Variants in ULK4 observed in about 807,000 individuals in gnomAD.
ULK4 encodes unc-51 like kinase 4.
Under a neutral mutation model 160.6 loss-of-function variants are expected in ULK4, and 133 were observed. The ratio of observed to expected loss-of-function variants is 0.83; its 90% CI spans 0.72 to 0.96. ULK4 has a LOEUF of 0.96. Ranked by LOEUF, ULK4 falls within the 40% of genes least tolerant of loss-of-function variation. The pLI, the probability that ULK4 is intolerant of heterozygous loss-of-function variation, is 0.00. For synonymous variants in ULK4, 534 were observed against 539.8 expected (o/e 0.99, Z 0.15); for missense variants, 1,580 against 1,499.5 (o/e 1.05, Z -0.89).
At chr3:41,559,111 G>C (rs1240449864) in intron 32 of ULK4, among the ~76,000 whole-genome samples, 7 of 150,056 alleles carry the variant, frequency 4.7e-5, no homozygotes, top group South Asian at 4.3e-4. Context: ...CCACCTATGA[G>C]TGAGAATATG....
intron 18 of ULK4, among the ~76,000 whole-genome samples, chr3:41,828,412 C>T (rs190889368): frequency 0.013 from 2,006 of 148,792 alleles, 47 homozygotes; most frequent in Non-Finnish European, 0.018. Context: ...ATTGTCTCAG[C>T]CCAAAATCTC....
At chr3:41,429,550 T>C (rs1451509626) in intron 34 of ULK4, among the ~76,000 whole-genome samples, 4 of 152,164 alleles carry the variant, frequency 2.6e-5, no homozygotes, top group Non-Finnish European at 5.9e-5. Context: ...ATATACATAC[T>C]ACGCAGCCAT....
intron 35 of ULK4, among the ~76,000 whole-genome samples, chr3:41,310,254 A>G (rs915907684): frequency 1.3e-5 from 2 of 152,208 alleles, no homozygotes; most frequent in Admixed American, 1.3e-4. Context: ...TTAATACACA[A>G]CAGTCCTTAG....
chr3:41,515,659 C>T (rs575034039), intron 32 of ULK4, among the ~76,000 whole-genome samples: 18 of 152,216 alleles, frequency 1.2e-4, no homozygotes, highest in Admixed American at 4.6e-4. Context: ...GTAGGGGAAA[C>T]GCCAGATGCT....
intron 32 of ULK4, among the ~76,000 whole-genome samples, chr3:41,553,051 T>C (rs1024969282): frequency 2.0e-5 from 3 of 152,100 alleles, no homozygotes; most frequent in African/African-American, 7.2e-5. Flanking sequence ...GATAGTTATA[T>C]GCAGAAGAAT....
At chr3:41,943,140 C>CA (rs1700011027) in intron 2 of ULK4, among the ~76,000 whole-genome samples, 1 of 148,530 alleles carries the variant, frequency 6.7e-6, no homozygotes, top group Admixed American at 6.8e-5. Flanking sequence ...GTGAACCCGG[C>CA]AGGCGGAGCT....
intron 30 of ULK4, among the ~76,000 whole-genome samples, chr3:41,616,628 A>T (rs1270168985): frequency 6.6e-6 from 1 of 152,104 alleles, no homozygotes; most frequent in Non-Finnish European, 1.5e-5. Flanking sequence ...CGGTTTTTTC[A>T]ATCTGCAGAT....
rs1420687343 is a variant in ULK4 at position 41,740,463 on chromosome 3, T to G, written c.2321+13898A>C. ...GTTGAGAGATGCATAGGCCTTATTT[T>G]ATCGCCTGTCATAGTAATATGAGTA... On this transcript the variant is annotated intron_variant, in intron 22 of 36. Coordinates refer to ENST00000301831, the MANE Select transcript of ULK4 (RefSeq NM_017886.4). 1.3e-5 allele frequency among the ~76,000 whole-genome samples: 2 copies of G among 151,876 alleles called. 1 individual carries two copies. The highest frequency in any genetic ancestry group is 4.9e-5 in the African/African-American group (2 of 41,182).
intron 28 of ULK4, 39 bp from the exon 29 acceptor site, chr3:41,681,691 G>A: frequency 6.2e-7 from 1 of 1,613,826 alleles, no homozygotes; most frequent in Non-Finnish European, 8.5e-7. Context: ...GTGACTCCAT[G>A]GAGACAGAAT....
intron 9 of ULK4, 74 bp from the exon 10 acceptor site, chr3:41,911,733 GT>G: frequency 8.8e-7 from 1 of 1,133,354 alleles, no homozygotes; most frequent in Non-Finnish European, 1.3e-6. Context: ...AGAAAAAGAG[GT>G]TGGAGAAGAT....
chr3:41,458,599 T>TA (rs202053159), intron 33 of ULK4, among the ~76,000 whole-genome samples: 163 of 150,712 alleles, frequency 1.1e-3, no homozygotes, highest in Middle Eastern at 3.4e-3. Flanking sequence ...TTCTTAGTAT[T>TA]AAAAAAAAAG....
At chr3:41,809,165 CAAAAAAAAAACA>C (rs200354290) in intron 19 of ULK4, among the ~76,000 whole-genome samples, 22,956 of 100,430 alleles carry the variant, frequency 0.23, 2,236 homozygotes, top group East Asian at 0.44. Flanking sequence ...GACTCCGTCT[CAAAAAAAAAACA>C]AAAAAAAAAA....
At chr3:41,826,529 C>T (rs1436592079) in intron 18 of ULK4, among the ~76,000 whole-genome samples, 2 of 150,540 alleles carry the variant, frequency 1.3e-5, no homozygotes, top group Non-Finnish European at 3.0e-5. Context: ...ATAAAACAGA[C>T]TTTAAACCAA....
At chr3:41,859,086 T>C (rs1335928351) in intron 17 of ULK4, among the ~76,000 whole-genome samples, 1 of 152,212 alleles carries the variant, frequency 6.6e-6, no homozygotes, top group Non-Finnish European at 1.5e-5. Flanking sequence ...CAATCTTCTA[T>C]CTCAGAAGAG....
At chr3:41,567,854 A>G (rs2087837742) in intron 31 of ULK4, among the ~76,000 whole-genome samples, 1 of 152,154 alleles carries the variant, frequency 6.6e-6, no homozygotes, top group Admixed American at 6.5e-5. Context: ...AAATAACTTT[A>G]GCTTTATAGA....
chr3:41,390,992 C>A (rs1025610494), intron 35 of ULK4, among the ~76,000 whole-genome samples: 5 of 152,032 alleles, frequency 3.3e-5, no homozygotes, highest in Admixed American at 3.3e-4. Context: ...CTCTGTTTTA[C>A]TTTTTACTTC....
At position 41,458,491 on chromosome 3, in the gene ULK4, C is replaced by T. The variant is rs563661799; in HGVS notation, c.3394-2896G>A. ...GTAGCTCATGCTTGTAATTCCAGCA[C>T]GTTGGGAGGCCGAGGCGGGTGGCCT... On this transcript the variant is annotated intron_variant, in intron 33 of 36. Coordinates refer to ENST00000301831, the MANE Select transcript of ULK4 (RefSeq NM_017886.4). Among the ~76,000 whole-genome samples, 13 of 152,104 alleles carry T rather than the reference C, an allele frequency of 8.5e-5. No homozygotes were observed. The South Asian group carries it at 2.5e-3, about 29-fold the overall frequency.
At chr3:41,958,476 C>T (rs1030579600) in intron 1 of ULK4, among the ~76,000 whole-genome samples, 2 of 150,476 alleles carry the variant, frequency 1.3e-5, no homozygotes, top group African/African-American at 4.9e-5. Flanking sequence ...TCGAGTCGGA[C>T]GGATCGCCTG....
intron 32 of ULK4, among the ~76,000 whole-genome samples, chr3:41,495,315 C>G (rs566781756): frequency 1.3e-5 from 2 of 152,094 alleles, no homozygotes; most frequent in East Asian, 3.9e-4. Flanking sequence ...CTGACAAAAA[C>G]AAGCAATGGG....
Sources: allele counts gnomAD v4.1 joint callset (sites outside exome capture counted in the v4.1 genomes callset), GRCh38; gene constraint gnomAD v4.1.1; transcripts MANE v1.5; gene names NCBI Gene and HGNC (gene_info 2026-07-23, HGNC 2026-07-21).